The following FMN1 variants were observed in gnomAD, a reference collection of about 807,000 sequenced individuals.
FMN1 encodes the protein formin-1.
In FMN1, 110 loss-of-function variants were observed where a neutral mutation model predicts 132.4. That is an observed-to-expected ratio of 0.83 (90% confidence interval 0.71 to 0.97). The LOEUF (loss-of-function observed/expected upper bound fraction) is 0.97. Among genes scored for constraint, FMN1 ranks in the 50% least tolerant of loss-of-function variants. The pLI, the probability that FMN1 is intolerant of heterozygous loss-of-function variation, is 0.00. For synonymous variants in FMN1, 722 were observed against 651.7 expected, an observed-to-expected ratio of 1.11 and a Z score of -1.64; for missense variants, 1,792 against 1,705.3, an observed-to-expected ratio of 1.05 and a Z score of -0.90.
chr15:32,824,624 C>T (rs2058319367), intron 17 of FMN1, among the ~76,000 whole-genome samples: 1 of 152,110 alleles, frequency 6.6e-6, no homozygotes, highest in Admixed American at 6.6e-5. Context: ...GACAAGGTCT[C>T]ACTCTGTCAC....
intron 5 of FMN1, among the ~76,000 whole-genome samples, chr15:33,083,506 T>C (rs2038569321): frequency 6.6e-6 from 1 of 152,200 alleles, no homozygotes; most frequent in Admixed American, 6.5e-5. Context: ...TAATCACCAA[T>C]GTAATGAAAT....
intron 6 of FMN1, among the ~76,000 whole-genome samples, chr15:33,024,220 C>G (rs1360547235): frequency 8.2e-6 from 1 of 121,900 alleles, no homozygotes; most frequent in Non-Finnish European, 1.7e-5. Context: ...TCACACCTAT[C>G]AGATTTTTTT....
chr15:32,941,338 C>CCT (rs2061396888), intron 9 of FMN1, among the ~76,000 whole-genome samples: 1 of 152,188 alleles, frequency 6.6e-6, no homozygotes, highest in Non-Finnish European at 1.5e-5. Flanking sequence ...TCATTTAACA[C>CCT]TTAGCACTGA....
intron 5 of FMN1, among the ~76,000 whole-genome samples, chr15:33,081,226 T>G (rs888688601): frequency 6.6e-6 from 1 of 152,156 alleles, no homozygotes; most frequent in Non-Finnish European, 1.5e-5. Context: ...TCTTCTACCA[T>G]ACCCCCACCT....
chr15:33,009,705 C>A (rs2034605519), intron 6 of FMN1, among the ~76,000 whole-genome samples: 1 of 152,150 alleles, frequency 6.6e-6, no homozygotes, highest in Non-Finnish European at 1.5e-5. Flanking sequence ...GTCTCCATTA[C>A]TGATGAAGAT....
chr15:32,780,500 T>C (rs1306982861), intron 19 of FMN1, among the ~76,000 whole-genome samples: 1 of 152,236 alleles, frequency 6.6e-6, no homozygotes, highest in African/African-American at 2.4e-5. Context: ...TAGCATGTCA[T>C]CAAAAAATAA....
chr15:33,037,158 C>A (rs1271039863), intron 6 of FMN1, among the ~76,000 whole-genome samples: 2 of 152,198 alleles, frequency 1.3e-5, no homozygotes, highest in Non-Finnish European at 2.9e-5. Flanking sequence ...ACTCACAGTT[C>A]TTTCTTGCTG....
intron 4 of FMN1, among the ~76,000 whole-genome samples, chr15:33,148,180 GTTGCTCATTT>G (rs1396333626): frequency 2.0e-5 from 3 of 152,044 alleles, no homozygotes; most frequent in African/African-American, 7.2e-5. Context: ...TCTTTCCCCT[GTTGCTCATTT>G]AAAATTCCAT....
intron 18 of FMN1, among the ~76,000 whole-genome samples, chr15:32,799,559 C>T (rs542241345): frequency 6.6e-6 from 1 of 152,248 alleles, no homozygotes; most frequent in South Asian, 2.1e-4. Flanking sequence ...TACAAGAATA[C>T]AAACCACTGA....
chr15:32,955,810 CGTGTGTGT>C (rs71682708), intron 9 of FMN1, among the ~76,000 whole-genome samples: 34 of 150,102 alleles, frequency 2.3e-4, no homozygotes, highest in African/African-American at 6.8e-4. Flanking sequence ...TGTGCGTGTG[CGTGTGTGT>C]GTGTGTGTGC....
chr15:32,998,280 C>T (rs1388352473), intron 7 of FMN1, among the ~76,000 whole-genome samples: 1 of 152,164 alleles, frequency 6.6e-6, no homozygotes, highest in Non-Finnish European at 1.5e-5. Context: ...AAAAAATTTC[C>T]AGCAATGTCC....
chr15:32,895,481 TCTTTA>T (rs2060131486), intron 15 of FMN1, among the ~76,000 whole-genome samples: 2 of 152,144 alleles, frequency 1.3e-5, no homozygotes, highest in Non-Finnish European at 2.9e-5. Context: ...GCACATGGCA[TCTTTA>T]TGTGAATTTT....
At chr15:33,008,721 G>A (rs962146666) in intron 6 of FMN1, among the ~76,000 whole-genome samples, 4 of 152,134 alleles carry the variant, frequency 2.6e-5, no homozygotes, top group Non-Finnish European at 5.9e-5. Context: ...AAGAACTCCA[G>A]CCAACCACTA....
rs1244804785 is a variant in FMN1, at chr15:32,769,510, A to G, written c.*4800T>C. The G allele has an allele frequency of 6.6e-6, 1 of 152,228 alleles. No individual in the cohort carries two copies. The highest frequency in any genetic ancestry group is 2.4e-5 in the African/African-American group (1 of 41,456). 9.4% of individuals were successfully genotyped at this position (152,228 alleles called of 1,614,324 possible). On this transcript the variant is annotated 3_prime_UTR_variant, in exon 21 of 21. Coordinates refer to ENST00000616417, the MANE Select transcript of FMN1 (RefSeq NM_001277313.2). The stretch of plus-strand genomic sequence containing the variant: ...CGGTTATGCCTGGATTCAATTGCTA[A>G]TGGAGAGATGAATATCATTATGTAA...
chr15:33,028,959 C>G (rs2035808443), intron 6 of FMN1, among the ~76,000 whole-genome samples: 1 of 152,186 alleles, frequency 6.6e-6, no homozygotes, highest in South Asian at 2.1e-4. Context: ...AAATTTGCCA[C>G]CACAAAAAGA....
intron 5 of FMN1, chr15:33,067,116 C>G: frequency 6.2e-7 from 1 of 1,614,028 alleles, no homozygotes; most frequent in South Asian, 1.1e-5. Flanking sequence ...GAGGCACTCT[C>G]AGTGATACCA....
chr15:32,981,158 A>AT (rs2032623345), intron 7 of FMN1, among the ~76,000 whole-genome samples: 1 of 152,036 alleles, frequency 6.6e-6, no homozygotes, highest in South Asian at 2.1e-4. Flanking sequence ...GTAAAATGTG[A>AT]TTTTTAAGAT....
intron 9 of FMN1, among the ~76,000 whole-genome samples, chr15:32,958,340 G>T (rs2140548413): frequency 6.6e-6 from 1 of 152,150 alleles, no homozygotes; most frequent in East Asian, 1.9e-4. Context: ...TAAATAAAGG[G>T]GAAATGCAGA....
intron 3 of FMN1, among the ~76,000 whole-genome samples, chr15:33,177,195 G>A (rs918476359): frequency 3.3e-5 from 5 of 152,216 alleles, no homozygotes; most frequent in African/African-American, 1.2e-4. Context: ...TTTGAACCCA[G>A]GTGCTTTGAC....
Sources: allele counts gnomAD v4.1 joint callset (sites outside exome capture counted in the v4.1 genomes callset), GRCh38; gene constraint gnomAD v4.1.1; transcripts MANE v1.5; gene names NCBI Gene and HGNC (gene_info 2026-07-23, HGNC 2026-07-21).